The following BTRC variants were observed in gnomAD, a reference collection of about 807,000 sequenced individuals.
BTRC encodes the protein F-box/WD repeat-containing protein 1A.
Under a neutral mutation model 85.5 loss-of-function variants are expected in BTRC, and 42 were observed. That is an observed-to-expected ratio of 0.49 (90% CI 0.38 to 0.64). BTRC has a LOEUF of 0.64. Ranked by LOEUF, BTRC falls within the 30% of genes least tolerant of loss-of-function variation. The pLI is 0.00. For synonymous variants in BTRC, 255 were observed against 263.3 expected, an observed-to-expected ratio of 0.97 and a Z score of 0.30; for missense variants, 594 against 743.5, an observed-to-expected ratio of 0.80 and a Z score of 2.34.
At chr10:101,436,060 G>A (rs1944520719) in intron 2 of BTRC, among the ~76,000 whole-genome samples, 1 of 152,120 alleles carries the variant, frequency 6.6e-6, no homozygotes, top group Non-Finnish European at 1.5e-5. Context: ...GAAAAAAGTT[G>A]TTAGAATAAA....
At position 101,538,353 on chromosome 10, in the gene BTRC, C is replaced by T. The variant is rs1051346157; in HGVS notation, c.1638C>T (p.Leu546=). 3 of 1,613,702 alleles carry T rather than the reference C, an allele frequency of 1.9e-6. No individual in the cohort carries two copies. Among genetic ancestry groups the T allele is most frequent in the African/African-American group, 2.7e-5 (2 of 74,896 alleles). The stretch of plus-strand genomic sequence containing the variant: ...ACCCCCGTGCTCCTGCAGGGACACT[C>T]TGTCTACGGACCCTTGTGGTAAGAG... ...ALDPRAPAGT[L]CLRTLVEHSG... Residue 546 remains leucine, a synonymous_variant, in exon 13 of 15, where the codon CTC becomes CTT. Transcript: ENST00000370187.
chr10:101,495,365 A>C (rs1455800593), intron 4 of BTRC, among the ~76,000 whole-genome samples: 2 of 152,208 alleles, frequency 1.3e-5, no homozygotes, highest in African/African-American at 4.8e-5. Context: ...TGTGCTGTGA[A>C]CTTTGCAAAA....
intron 1 of BTRC, among the ~76,000 whole-genome samples, chr10:101,414,864 T>G (rs1468738543): frequency 1.3e-5 from 2 of 151,786 alleles, no homozygotes; most frequent in African/African-American, 4.8e-5. Context: ...ACAATATGTT[T>G]GTGTTTTGAG....
intron 1 of BTRC, among the ~76,000 whole-genome samples, chr10:101,380,435 A>G (rs1313714475): frequency 3.3e-5 from 5 of 152,084 alleles, no homozygotes; most frequent in African/African-American, 1.2e-4. Flanking sequence ...TGGGGAGGGC[A>G]GAAAGATCAC....
intron 1 of BTRC, among the ~76,000 whole-genome samples, chr10:101,366,836 A>ATG (rs1374679023): frequency 1.5e-5 from 1 of 67,702 alleles, no homozygotes; most frequent in African/African-American, 6.2e-5. Flanking sequence ...ATATTTATAT[A>ATG]TATTTATGTA....
chr10:101,549,009 C>T (rs1425048899), intron 13 of BTRC, among the ~76,000 whole-genome samples: 2 of 151,192 alleles, frequency 1.3e-5, no homozygotes, highest in Non-Finnish European at 2.9e-5. Flanking sequence ...GCCAAGATCG[C>T]GCCACTGCAC....
chr10:101,479,815 A>G (rs756016294), intron 4 of BTRC, among the ~76,000 whole-genome samples: 171 of 152,364 alleles, frequency 1.1e-3, no homozygotes, highest in Middle Eastern at 6.8e-3. Context: ...CATCATTGCA[A>G]GGACTGTGAA....
intron 1 of BTRC, among the ~76,000 whole-genome samples, chr10:101,358,362 C>G (rs943283697): frequency 3.3e-5 from 5 of 152,120 alleles, no homozygotes; most frequent in Non-Finnish European, 7.3e-5. Context: ...GCCTTGGCCT[C>G]CCATTGTTGG....
intron 1 of BTRC, among the ~76,000 whole-genome samples, chr10:101,376,683 C>T (rs1001153339): frequency 6.6e-6 from 1 of 152,054 alleles, no homozygotes; most frequent in Admixed American, 6.5e-5. Flanking sequence ...TCATAATCAC[C>T]ATCAGCCATG....
chr10:101,383,820 C>G (rs1473004812), intron 1 of BTRC, among the ~76,000 whole-genome samples: 1 of 152,108 alleles, frequency 6.6e-6, no homozygotes, highest in Admixed American at 6.6e-5. Flanking sequence ...TCTCATTAAC[C>G]TAGCTAATTC....
rs1589638393 is a variant in BTRC at position 101,553,403 on chromosome 10, CT to C, written c.*281del. Reference sequence around the variant, plus strand: ...TTGGAACTTTTAAACCTCCCCTCCTCTCCTCCTTTCACCTCTGCACCTAGTT... The same window carrying C: ...TTGGAACTTTTAAACCTCCCCTCCTCCCTCCTTTCACCTCTGCACCTAGTT... On this transcript the variant is annotated 3_prime_UTR_variant, in exon 15 of 15. Coordinates refer to ENST00000370187, the MANE Select transcript of BTRC (RefSeq NM_033637.4). The C allele has an allele frequency of 6.5e-6, 1 of 152,704 alleles. No individual in the cohort carries two copies. Among genetic ancestry groups the C allele is most frequent in the East Asian group, 1.9e-4 (1 of 5,210 alleles). The allele number at this position is 152,704 out of a possible 1,614,324, so 9.5% of individuals were successfully genotyped here. A position where few individuals can be genotyped will look rare whatever the true frequency, so the allele number is the denominator to read the frequency against.
At chr10:101,426,390 G>A (rs775364174) in intron 1 of BTRC, among the ~76,000 whole-genome samples, 3 of 152,076 alleles carry the variant, frequency 2.0e-5, no homozygotes, top group East Asian at 1.9e-4. Flanking sequence ...TGTAATAATC[G>A]GGAATGCATC....
At chr10:101,520,038 T>G (rs2062080624) in intron 4 of BTRC, among the ~76,000 whole-genome samples, 1 of 152,158 alleles carries the variant, frequency 6.6e-6, no homozygotes. Context: ...CATCTTAGAA[T>G]TTTGCCTACC....
chr10:101,395,966 G>A (rs201878133), intron 1 of BTRC, among the ~76,000 whole-genome samples: 2 of 151,964 alleles, frequency 1.3e-5, no homozygotes, highest in East Asian at 1.9e-4. Flanking sequence ...TATATGATGG[G>A]AGAAGGTTTT....
chr10:101,506,183 G>A (rs531301789), intron 4 of BTRC, among the ~76,000 whole-genome samples: 49 of 152,252 alleles, frequency 3.2e-4, no homozygotes, highest in Admixed American at 4.6e-4. Context: ...AAAGTGCTGG[G>A]GTTACAGGCG....
intron 1 of BTRC, among the ~76,000 whole-genome samples, chr10:101,412,165 G>A (rs780616578): frequency 2.2e-4 from 34 of 152,204 alleles, no homozygotes; most frequent in Admixed American, 1.6e-3. Context: ...ATGTATACAG[G>A]ACTTAGTATT....
intron 1 of BTRC, among the ~76,000 whole-genome samples, chr10:101,406,590 A>G (rs1423674946): frequency 8.6e-6 from 1 of 115,782 alleles, no homozygotes; most frequent in African/African-American, 3.4e-5. Context: ...GCTGGAGTGC[A>G]GTGGTGTGAT....
chr10:101,540,924 G>C (rs2062455991), intron 13 of BTRC, among the ~76,000 whole-genome samples: 1 of 152,130 alleles, frequency 6.6e-6, no homozygotes, highest in Admixed American at 6.5e-5. Context: ...GTAGCTTTTA[G>C]TATAAAGGTT....
At chr10:101,434,437 T>C (rs568363674) in intron 2 of BTRC, among the ~76,000 whole-genome samples, 4 of 152,156 alleles carry the variant, frequency 2.6e-5, no homozygotes, top group Non-Finnish European at 2.9e-5. Context: ...ATAAATTAAT[T>C]TGAAATGGAT....
Sources: gnomAD v4.1 joint callset for allele counts (sites outside exome capture counted in the v4.1 genomes callset) on GRCh38, gnomAD v4.1.1 for gene constraint, MANE v1.5 for transcripts, NCBI Gene and HGNC (gene_info 2026-07-23, HGNC 2026-07-21) for gene names.